The following PGAP1 variants were observed in gnomAD, a reference collection of about 807,000 sequenced individuals.
PGAP1 encodes post-GPI attachment to proteins inositol deacylase 1.
A neutral mutation model predicts 127.0 loss-of-function variants in PGAP1; 76 were observed. That is an observed-to-expected ratio of 0.60 (90% confidence interval 0.50 to 0.72). The LOEUF is 0.72. PGAP1 is among the 30% of genes least tolerant of loss of function. PGAP1 has a pLI of 0.00. For synonymous variants in PGAP1, 362 were observed against 366.5 expected, an observed-to-expected ratio of 0.99 and a Z score of 0.14; for missense variants, 982 against 1,071.3, an observed-to-expected ratio of 0.92 and a Z score of 1.16.
At chr2:196,862,252 G>A (rs1701091507) in intron 20 of PGAP1, among the ~76,000 whole-genome samples, 1 of 152,010 alleles carries the variant, frequency 6.6e-6, no homozygotes, top group Non-Finnish European at 1.5e-5. Flanking sequence ...TTTATGGTCT[G>A]TAGACTGTAG....
rs748156572 is a variant in PGAP1 at position 196,920,109 on chromosome 2, T to C, written c.189A>G (p.Ala63=). The C allele has an allele frequency of 1.9e-5, 31 of 1,612,760 alleles. No individual in the cohort carries two copies. The highest frequency in any genetic ancestry group is 2.5e-5 in the Non-Finnish European group (30 of 1,179,312). The change falls in exon 2 of 27, where the codon GCA becomes GCG. Residue 63 remains alanine (A), a synonymous_variant. Transcript: ENST00000354764. ...LPKKLAKRYP[A]YELYLYGEGS... ...CCTCTCCATAAAGATACAACTCATA[T>C]GCGGGATAGCGTTTTGCCAGTTTCT...
At chr2:196,887,177 G>A (rs1701938578) in intron 10 of PGAP1, among the ~76,000 whole-genome samples, 1 of 152,036 alleles carries the variant, frequency 6.6e-6, no homozygotes, top group Non-Finnish European at 1.5e-5. Flanking sequence ...AACATCAGGA[G>A]ATCGAGACCC....
intron 12 of PGAP1, among the ~76,000 whole-genome samples, chr2:196,881,089 C>G (rs997753918): frequency 6.6e-6 from 1 of 152,148 alleles, no homozygotes; most frequent in African/African-American, 2.4e-5. Context: ...TCTCATCATT[C>G]AGCTCCCACT....
chr2:196,899,020 G>A (rs1323191296), intron 5 of PGAP1, among the ~76,000 whole-genome samples: 1 of 152,016 alleles, frequency 6.6e-6, no homozygotes, highest in African/African-American at 2.4e-5. Flanking sequence ...ATTTGCAGAG[G>A]GCTTCCTAAC....
In PGAP1 at chr2:196,883,627, G is replaced by A. The variant is rs531434810; in HGVS notation, c.1272+1797C>T. Among the ~76,000 whole-genome samples the A allele has an allele frequency of 5.3e-4, 80 of 152,216 alleles. 1 individual carries two copies. The highest frequency in any genetic ancestry group is 1.8e-3 in the African/African-American group (74 of 41,530). On this transcript the variant is annotated intron_variant, in intron 12 of 26. Transcript: ENST00000354764. Reference sequence around the variant, plus strand: ...CAATGGCCAAGTGTTGAATTTATACGTGCTTTGATGGAGGGCTCCATCTAT... The same window carrying A: ...CAATGGCCAAGTGTTGAATTTATACATGCTTTGATGGAGGGCTCCATCTAT...
chr2:196,906,676 C>A (rs1441232863), intron 4 of PGAP1, among the ~76,000 whole-genome samples: 2 of 44,730 alleles, frequency 4.5e-5, no homozygotes, highest in African/African-American at 8.3e-5. Context: ...ACATTCAAAC[C>A]AAAGGCAAAG....
At chr2:196,867,277 A>G (rs1243710846) in intron 19 of PGAP1, among the ~76,000 whole-genome samples, 1 of 152,196 alleles carries the variant, frequency 6.6e-6, no homozygotes, top group Non-Finnish European at 1.5e-5. Context: ...CATATACACC[A>G]TGGAATACTA....
chr2:196,870,983 G>A lies in PGAP1; in HGVS notation c.1729-4C>T, dbSNP rs375994131. ...AAAAGGAAGTCTTAACTGTCACCTA[G>A]TTTAAAACAATTATTGAAAAAAAAG... is the stretch of plus-strand genomic sequence containing the variant. On this transcript the variant is annotated splice_region_variant and splice_polypyrimidine_tract_variant and intron_variant, in intron 18 of 26. Coordinates refer to ENST00000354764, the MANE Select transcript of PGAP1 (RefSeq NM_024989.4). 2.3e-5 allele frequency: 36 copies of A among 1,595,964 alleles called. No homozygotes were observed. Among genetic ancestry groups the A allele is most frequent in the Non-Finnish European group, 2.9e-5 (34 of 1,165,822 alleles).
At chr2:196,893,290 T>G in intron 7 of PGAP1, 45 bp from the exon 8 acceptor site, 1 of 1,055,884 alleles carries the variant, frequency 9.5e-7, no homozygotes. Flanking sequence ...GTATCTATTG[T>G]AATAGCTTGA....
intron 23 of PGAP1, 90 bp downstream of exon 23, chr2:196,845,792 A>C (rs984166495): frequency 8.9e-7 from 1 of 1,127,910 alleles, no homozygotes; most frequent in Non-Finnish European, 1.2e-6. Flanking sequence ...AGTGTTTATG[A>C]GAATTTTTGT....
chr2:196,868,985 T>C (rs1279901387), intron 19 of PGAP1, among the ~76,000 whole-genome samples: 1 of 152,174 alleles, frequency 6.6e-6, no homozygotes, highest in Non-Finnish European at 1.5e-5. Context: ...AAATTATTTT[T>C]TTAATTTTTT....
intron 10 of PGAP1, among the ~76,000 whole-genome samples, chr2:196,887,332 C>T (rs1701945370): frequency 6.6e-6 from 1 of 151,896 alleles, no homozygotes; most frequent in South Asian, 2.1e-4. Flanking sequence ...TGCAGTGAGC[C>T]GAGATCGCGC....
At chr2:196,924,981 T>C (rs780197562) in intron 1 of PGAP1, among the ~76,000 whole-genome samples, 22 of 152,192 alleles carry the variant, frequency 1.4e-4, no homozygotes, top group Non-Finnish European at 3.1e-4. Context: ...CTTCAATCTA[T>C]TGGGAGTTTC....
At chr2:196,847,304 GA>G (rs1410360604) in intron 21 of PGAP1, 104 bp from the exon 22 acceptor site, 3 of 803,238 alleles carry the variant, frequency 3.7e-6, no homozygotes, top group African/African-American at 1.8e-5. Context: ...AAAGTTCCAT[GA>G]TACTTAATTT....
At chr2:196,903,163 T>A (rs1338850189) in intron 4 of PGAP1, among the ~76,000 whole-genome samples, 3 of 152,062 alleles carry the variant, frequency 2.0e-5, no homozygotes, top group Non-Finnish European at 4.4e-5. Context: ...TATATGCACA[T>A]GTTCAAACTG....
At chr2:196,843,425 T>A (rs1700469465) in intron 25 of PGAP1, among the ~76,000 whole-genome samples, 1 of 152,170 alleles carries the variant, frequency 6.6e-6, no homozygotes, top group South Asian at 2.1e-4. Context: ...TTAAAAAAAT[T>A]CCCAGTATTT....
intron 1 of PGAP1, chr2:196,922,795 C>T (rs1703246042): frequency 1.3e-5 from 2 of 151,858 alleles, no homozygotes; most frequent in Admixed American, 1.3e-4. Flanking sequence ...ATCCTCCTAC[C>T]TCAGTCTCCT....
Position 196,875,791 on chromosome 2 carries a change from CT to C in PGAP1, c.1380del (p.Glu461ArgfsTer9), listed in dbSNP as rs1559347785. ...KFVVDCEFFKKEKRYIQLPVT... is the reference protein window; with the variant it reads ...KFVVDCEFFKXEKRYIQLPVT... The stretch of plus-strand genomic sequence containing the variant: ...ACAGGAAGCTGTATGTATCTTTTCT[CT>C]TTTTTAAAGAATTCACAATCTACAA... On this transcript the variant is annotated frameshift_variant, in exon 14 of 27. Transcript: ENST00000354764. LOFTEE classifies it high-confidence loss of function. The C allele has an allele frequency of 1.3e-6, 2 of 1,534,324 alleles. No individual in the cohort carries two copies. Among genetic ancestry groups the C allele is most frequent in the Non-Finnish European group, 1.8e-6 (2 of 1,112,670 alleles).
chr2:196,861,954 T>G (rs746594161), intron 20 of PGAP1, among the ~76,000 whole-genome samples: 14 of 150,960 alleles, frequency 9.3e-5, no homozygotes, highest in Non-Finnish European at 1.9e-4. Flanking sequence ...CTCAGGACCA[T>G]GTGATAATCG....
Sources: gnomAD v4.1 joint callset for allele counts (sites outside exome capture counted in the v4.1 genomes callset) on GRCh38, gnomAD v4.1.1 for gene constraint, MANE v1.5 for transcripts, NCBI Gene and HGNC (gene_info 2026-07-23, HGNC 2026-07-21) for gene names.